PDGFRB: variants seen among roughly 807,000 people sequenced by gnomAD.
PDGFRB encodes platelet-derived growth factor receptor beta.
PDGFRB carries 42 observed loss-of-function variants against 120.2 expected under a neutral mutation model. The ratio of observed to expected loss-of-function variants is 0.35; its 90% CI spans 0.27 to 0.45. PDGFRB has a LOEUF of 0.45. PDGFRB is among the 20% of genes least tolerant of loss of function. The pLI is 1.00. For synonymous variants in PDGFRB, 586 were observed against 606.8 expected (o/e 0.97, Z 0.50); for missense variants, 1,149 against 1,476.3 (o/e 0.78, Z 3.63).
chr5:150,120,343 G>A lies in PDGFRB; in HGVS notation c.2587-220C>T, dbSNP rs1211050506. On this transcript the variant is annotated intron_variant, in intron 18 of 22. Coordinates refer to ENST00000261799, the MANE Select transcript of PDGFRB (RefSeq NM_002609.4). This position sits in a 1 kb window ranked among gnomAD's most constrained non-coding sequence, Gnocchi z 4.3. ...TCCTTTCTCACTAGCTGGGGACAAG[G>A]CAGCCCCTGTCCCTGGGGAAAAGCC... Among the ~76,000 whole-genome samples the A allele has an allele frequency of 2.0e-5, 3 of 152,170 alleles. No homozygotes were observed. Among genetic ancestry groups the A allele is most frequent in the Non-Finnish European group, 4.4e-5 (3 of 68,018 alleles).
chr5:150,145,873 G>A (rs1432909858), intron 1 of PDGFRB, among the ~76,000 whole-genome samples: 3 of 152,074 alleles, frequency 2.0e-5, no homozygotes, highest in East Asian at 1.9e-4. Flanking sequence ...GTGAAACTCC[G>A]TCTCAAAAAA....
At chr5:150,134,441 T>C (rs763743872) in intron 4 of PDGFRB, among the ~76,000 whole-genome samples, 4 of 152,212 alleles carry the variant, frequency 2.6e-5, no homozygotes, top group Non-Finnish European at 5.9e-5. Flanking sequence ...TTGTGTAAAG[T>C]CACTCAGACA....
intron 21 of PDGFRB, among the ~76,000 whole-genome samples, chr5:150,118,183 T>G (rs1414205690): frequency 6.6e-6 from 1 of 152,100 alleles, no homozygotes; most frequent in African/African-American, 2.4e-5. Context: ...TGCTGTGAAG[T>G]GGTGATGACC....
intron 1 of PDGFRB, among the ~76,000 whole-genome samples, chr5:150,144,134 C>T (rs111239507): frequency 4.6e-5 from 7 of 152,264 alleles, no homozygotes; most frequent in African/African-American, 1.7e-4. Context: ...CCCTGCACCC[C>T]CTCCTCCAGC....
intron 1 of PDGFRB, among the ~76,000 whole-genome samples, chr5:150,138,889 C>T (rs1425310451): frequency 6.6e-6 from 1 of 152,256 alleles, no homozygotes; most frequent in Non-Finnish European, 1.5e-5. Flanking sequence ...CCCCTCCTCT[C>T]CCAGTCTCCC....
intron 10 of PDGFRB, among the ~76,000 whole-genome samples, chr5:150,129,398 A>C (rs1366985417): frequency 1.3e-5 from 2 of 152,162 alleles, no homozygotes; most frequent in African/African-American, 2.4e-5. Flanking sequence ...GAGTGACTGG[A>C]GATTGGGCAT....
At position 150,132,733 on chromosome 5, in the gene PDGFRB, G is replaced by C. The variant is rs1760501993; in HGVS notation, c.1127+17C>G. The C allele has an allele frequency of 1.2e-6, 2 of 1,606,514 alleles. No individual in the cohort carries two copies. Among genetic ancestry groups the C allele is most frequent in the Middle Eastern group, 1.7e-4 (1 of 6,034 alleles). On this transcript the variant is annotated intron_variant, in intron 7 of 22. Transcript: ENST00000261799. This position sits in a 1 kb window ranked among gnomAD's most constrained non-coding sequence, Gnocchi z 5.0. The stretch of plus-strand genomic sequence containing the variant: ...AAAAATAACTTCAAGAATGGGATGG[G>C]AGAGCGAGCTGCTCACCGGGTCTCC...
rs559778413 is a variant in PDGFRB, at chr5:150,152,140, C to T, written c.-7+3257G>A. Among the ~76,000 whole-genome samples the T allele has an allele frequency of 3.9e-4, 59 of 152,074 alleles. No homozygotes were observed. In the South Asian group the frequency reaches 5.8e-3, roughly 15 times the overall value. ...CAGGCTGGTCTCAAACTCCAGACCT[C>T]GGGTGATCCACCCGCCTCGGCCTCC... On this transcript the variant is annotated intron_variant, in intron 1 of 22. Coordinates refer to ENST00000261799, the MANE Select transcript of PDGFRB (RefSeq NM_002609.4).
chr5:150,133,003 G>A (rs1245231671), intron 6 of PDGFRB, 61 bp from the exon 7 acceptor site: 7 of 1,237,282 alleles, frequency 5.7e-6, no homozygotes, highest in Middle Eastern at 2.7e-4. Context: ...GAATCCCAAA[G>A]GAGGCCAGCC....
intron 1 of PDGFRB, among the ~76,000 whole-genome samples, chr5:150,142,711 T>C (rs556820545): frequency 6.6e-6 from 1 of 152,314 alleles, no homozygotes; most frequent in South Asian, 2.1e-4. Context: ...ATACATACTA[T>C]GTTCTTTTCC....
chr5:150,123,177 T>A lies in PDGFRB; in HGVS notation c.2048A>T (p.Tyr683Phe), dbSNP rs1580798393. The change falls in exon 15 of 23, where the codon TAC (tyrosine) becomes TTC (phenylalanine). Residue 683 changes from tyrosine to phenylalanine, a missense_variant. Tyr to Phe is a conservative substitution (Grantham distance 22). This residue lies in a region of PDGFRB where 879 missense variants were observed against 1,108.6 expected (regional missense o/e 0.79). Transcript: ENST00000261799. ...KGGPIYIITE[Y>F]CRYGDLVDYL... ...GTCCACCAGGTCTCCGTAGCGGCAG[T>A]ACTCAGTGATGATATAGATGGGTCC... 6.2e-7 allele frequency: 1 copy of A among 1,613,652 alleles called. No homozygotes were observed. The highest frequency in any genetic ancestry group is 8.5e-7 in the Non-Finnish European group (1 of 1,179,866).
intron 1 of PDGFRB, among the ~76,000 whole-genome samples, chr5:150,151,728 C>T (rs986935462): frequency 2.6e-5 from 4 of 151,552 alleles, no homozygotes; most frequent in Non-Finnish European, 5.9e-5. Context: ...GGCATGGTGG[C>T]GCACACGCCT....
intron 1 of PDGFRB, among the ~76,000 whole-genome samples, chr5:150,138,237 G>A (rs991643158): frequency 6.6e-6 from 1 of 152,198 alleles, no homozygotes; most frequent in African/African-American, 2.4e-5. Context: ...GCCTCCTCTG[G>A]CTGTGGGGCT....
In PDGFRB at chr5:150,133,928, T is replaced by A; in HGVS notation, c.712A>T (p.Ile238Phe). The change falls in exon 5 of 23, where the codon ATC becomes TTC. Residue 238 changes from isoleucine (I) to phenylalanine (F), a missense_variant. Coordinates refer to ENST00000261799, the MANE Select transcript of PDGFRB (RefSeq NM_002609.4). ...GENITLMCIVIGNEVVNFEWT... is the reference protein window; with the variant it reads ...GENITLMCIVFGNEVVNFEWT... ...TCGAAGTTGACCACCTCATTCCCGA[T>A]CACAATGCACATGAGGGTGATGTTC... 3 of 1,614,048 alleles carry A rather than the reference T, an allele frequency of 1.9e-6. No individual in the cohort carries two copies. Among genetic ancestry groups the A allele is most frequent in the Non-Finnish European group, 2.5e-6 (3 of 1,179,950 alleles).
intron 1 of PDGFRB, among the ~76,000 whole-genome samples, chr5:150,138,912 C>G (rs1760708915): frequency 6.6e-6 from 1 of 152,252 alleles, no homozygotes; most frequent in South Asian, 2.1e-4. Context: ...GCTGGCCACA[C>G]TGTTTATTAT....
At chr5:150,150,683 G>A (rs1484389378) in intron 1 of PDGFRB, among the ~76,000 whole-genome samples, 1 of 151,986 alleles carries the variant, frequency 6.6e-6, no homozygotes, top group Non-Finnish European at 1.5e-5. Flanking sequence ...TGAGGATCTG[G>A]GCCTGAGGGC....
rs753485639 is a variant in PDGFRB, at chr5:150,115,834, G to C, written c.3250C>G (p.Pro1084Ala). 4 of 1,612,946 alleles carry C rather than the reference G, an allele frequency of 2.5e-6. No homozygotes were observed. In the East Asian group the frequency reaches 6.7e-5, roughly 27 times the overall value. Residue 1084 changes from proline (P) to alanine (A), a missense_variant, in exon 23 of 23, where the codon CCA becomes GCA. By Grantham distance (27) the Pro-to-Ala change is conservative. Transcript: ENST00000261799. ...GAATCCGGCAACTGTTCCAGCTCTG[G>C]CTCCGGCTCCACCTGGAGCTCAAGC... ...PQLELQVEPE[P>A]ELEQLPDSGC...
In PDGFRB at chr5:150,123,131, G is replaced by T. The variant is rs1212152922; in HGVS notation, c.2094C>A (p.His698Gln). The change falls in exon 15 of 23, where the codon CAC becomes CAA. Residue 698 changes from histidine (H) to glutamine (Q), a missense_variant. By Grantham distance (24) the His-to-Gln change is conservative (BLOSUM62 0). Coordinates refer to ENST00000261799, the MANE Select transcript of PDGFRB (RefSeq NM_002609.4). ...TGTCGGAGTGGTGCTGCAGGAAGGT[G>T]TGTTTGTTGCGGTGCAGGTAGTCCA... is the stretch of plus-strand genomic sequence containing the variant. ...DLVDYLHRNK[H>Q]TFLQHHSDKR... 1 of 1,613,756 alleles carries T rather than the reference G, an allele frequency of 6.2e-7. No individual in the cohort carries two copies. The highest frequency in any genetic ancestry group is 1.3e-5 in the African/African-American group (1 of 74,942).
chr5:150,136,816 G>A (rs772857575), intron 2 of PDGFRB, among the ~76,000 whole-genome samples, 192 bp downstream of exon 2: 12 of 152,154 alleles, frequency 7.9e-5, no homozygotes, highest in Non-Finnish European at 1.5e-4. Flanking sequence ...GCCCACTGAC[G>A]CTTTCTGAGC....
Sources: allele counts gnomAD v4.1 joint callset (sites outside exome capture counted in the v4.1 genomes callset), GRCh38; gene constraint gnomAD v4.1.1; regional missense constraint gnomAD v4.1.1; non-coding constraint Gnocchi (gnomAD v3.1); transcripts MANE v1.5; gene names NCBI Gene and HGNC (gene_info 2026-07-23, HGNC 2026-07-21).